The following PCDHGA6 variants were observed in gnomAD, a reference collection of about 807,000 sequenced individuals.
PCDHGA6 encodes protocadherin gamma-A6.
Under a neutral mutation model 60.6 loss-of-function variants are expected in PCDHGA6, and 41 were observed. The ratio of observed to expected loss-of-function variants is 0.68; its 90% CI spans 0.53 to 0.88. The LOEUF (loss-of-function observed/expected upper bound fraction) is 0.88. Ranked by LOEUF, PCDHGA6 falls within the 40% of genes least tolerant of loss-of-function variation. PCDHGA6 has a pLI of 0.00. For missense variants in PCDHGA6, 1,312 were observed against 1,203.0 expected (o/e 1.09, Z -1.34); for synonymous variants, 594 against 524.4 (o/e 1.13, Z -1.81).
intron 1 of PCDHGA6, chr5:141,409,995 CG>C: frequency 1.2e-6 from 2 of 1,613,308 alleles, no homozygotes; most frequent in Non-Finnish European, 1.7e-6. Context: ...GACGCCGACT[CG>C]GGACACAACG....
intron 1 of PCDHGA6, among the ~76,000 whole-genome samples, chr5:141,445,318 G>T (rs182520609): frequency 2.0e-4 from 30 of 152,306 alleles, no homozygotes; most frequent in African/African-American, 7.2e-4. Context: ...TAGGTTGAGA[G>T]AACCCATCCA....
intron 1 of PCDHGA6, chr5:141,389,333 C>T (rs753436946): frequency 6.2e-7 from 1 of 1,614,016 alleles, no homozygotes; most frequent in South Asian, 1.1e-5. Flanking sequence ...GGCCCAACGG[C>T]CAAGTCTCTT....
chr5:141,413,921 C>G, intron 1 of PCDHGA6: 2 of 1,613,360 alleles, frequency 1.2e-6, no homozygotes, highest in Middle Eastern at 1.6e-4. Flanking sequence ...TTCACCTTGC[C>G]AGAATACCGA....
intron 1 of PCDHGA6, chr5:141,399,437 A>G (rs780100815): frequency 3.7e-5 from 59 of 1,613,998 alleles, no homozygotes; most frequent in East Asian, 6.7e-5. Flanking sequence ...GTCATCCTAC[A>G]TATCAGAGAC....
chr5:141,469,314 C>T (rs982242861), intron 1 of PCDHGA6, among the ~76,000 whole-genome samples: 3 of 152,100 alleles, frequency 2.0e-5, no homozygotes, highest in Admixed American at 1.3e-4. Context: ...CGATGGCTCA[C>T]GCCTGTAATC....
chr5:141,478,246 C>T (rs1305046488), intron 1 of PCDHGA6: 1 of 1,614,100 alleles, frequency 6.2e-7, no homozygotes, highest in Admixed American at 1.7e-5. Context: ...TCACAGTGTT[C>T]GGAGTAATCA....
chr5:141,459,843 T>C (rs1328781794), intron 1 of PCDHGA6, among the ~76,000 whole-genome samples: 1 of 152,228 alleles, frequency 6.6e-6, no homozygotes, highest in African/African-American at 2.4e-5. Context: ...TGTCTATTTG[T>C]ATATCTTCTT....
At chr5:141,395,560 G>T (rs868147032) in intron 1 of PCDHGA6, 1 of 206,840 alleles carries the variant, frequency 4.8e-6, no homozygotes, top group South Asian at 1.4e-4. Context: ...GTGTGTGTGT[G>T]TGTGTGTGTG....
intron 1 of PCDHGA6, among the ~76,000 whole-genome samples, chr5:141,444,482 T>G (rs1346576719): frequency 6.6e-6 from 1 of 152,000 alleles, no homozygotes; most frequent in Non-Finnish European, 1.5e-5. Context: ...CGTACTGGAT[T>G]TATATTGTGT....
intron 1 of PCDHGA6, among the ~76,000 whole-genome samples, chr5:141,475,341 C>T (rs1306106224): frequency 6.6e-6 from 1 of 152,162 alleles, no homozygotes; most frequent in Non-Finnish European, 1.5e-5. Context: ...CAATGACATC[C>T]AGTTTTAAAA....
intron 1 of PCDHGA6, chr5:141,413,378 T>G (rs2095632557): frequency 6.2e-7 from 1 of 1,613,616 alleles, no homozygotes; most frequent in Non-Finnish European, 8.5e-7. Context: ...GAGCGCGGAG[T>G]CCGCATAGTC....
At chr5:141,474,215 A>G (rs1393533136) in intron 1 of PCDHGA6, among the ~76,000 whole-genome samples, 1 of 152,216 alleles carries the variant, frequency 6.6e-6, no homozygotes, top group East Asian at 1.9e-4. Context: ...CAAAAACCAG[A>G]TTGTGAATTA....
chr5:141,410,450 T>G, intron 1 of PCDHGA6: 1 of 1,614,052 alleles, frequency 6.2e-7, no homozygotes, highest in Non-Finnish European at 8.5e-7. Flanking sequence ...GACTTTGCCT[T>G]ATTCTTATAA....
At chr5:141,492,241 C>G (rs1351937353) in intron 1 of PCDHGA6, among the ~76,000 whole-genome samples, 2 of 152,186 alleles carry the variant, frequency 1.3e-5, no homozygotes, top group East Asian at 3.9e-4. Context: ...TGCTGGCCAC[C>G]CCCACGGCCC....
At chr5:141,464,035 C>T (rs564886798) in intron 1 of PCDHGA6, among the ~76,000 whole-genome samples, 1 of 152,066 alleles carries the variant, frequency 6.6e-6, no homozygotes, top group African/African-American at 2.4e-5. Context: ...GAGGCCAAGG[C>T]GGGTGGATCA....
At chr5:141,483,100 G>A (rs1051736065) in intron 1 of PCDHGA6, among the ~76,000 whole-genome samples, 11 of 152,078 alleles carry the variant, frequency 7.2e-5, no homozygotes, top group South Asian at 2.1e-4. Flanking sequence ...AAAAGTGTGC[G>A]TGTAAAACAG....
chr5:141,388,394 C>G lies in PCDHGA6; in HGVS notation c.2424+11887C>G, dbSNP rs371227077. 5 of 1,613,846 alleles carry G rather than the reference C, an allele frequency of 3.1e-6. No individual in the cohort carries two copies. In the African/African-American group the frequency reaches 4.0e-5, roughly 13 times the overall value. ...TTGGTAGCAACACACTGCAGAATTA[C>G]CAACTCAGTCCCAGTGATCATTTCT... On this transcript the variant is annotated intron_variant, in intron 1 of 3. Coordinates refer to ENST00000517434, the MANE Select transcript of PCDHGA6 (RefSeq NM_018919.3).
At chr5:141,445,938 G>A (rs2098482293) in intron 1 of PCDHGA6, among the ~76,000 whole-genome samples, 1 of 152,196 alleles carries the variant, frequency 6.6e-6, no homozygotes, top group Non-Finnish European at 1.5e-5. Flanking sequence ...GAATTATTAA[G>A]CTTACTCTGG....
chr5:141,449,718 G>A (rs2098653155), intron 1 of PCDHGA6, among the ~76,000 whole-genome samples: 2 of 150,760 alleles, frequency 1.3e-5, no homozygotes, highest in Admixed American at 6.6e-5. Flanking sequence ...ATTTTTATAT[G>A]ATATGATTTT....
Sources: gnomAD v4.1 joint callset for allele counts (sites outside exome capture counted in the v4.1 genomes callset) on GRCh38, gnomAD v4.1.1 for gene constraint, MANE v1.5 for transcripts, NCBI Gene and HGNC (gene_info 2026-07-23, HGNC 2026-07-21) for gene names.